Variants in VAV2 observed in about 807,000 individuals in gnomAD.
VAV2 encodes the protein guanine nucleotide exchange factor VAV2.
Under a neutral mutation model 132.5 loss-of-function variants are expected in VAV2, and 67 were observed. The ratio of observed to expected loss-of-function variants is 0.51; its 90% confidence interval spans 0.42 to 0.62. The LOEUF is 0.62. Among genes scored for constraint, VAV2 ranks in the 20% least tolerant of loss-of-function variants. The probability of loss-of-function intolerance (pLI) is 0.00; values close to 1 mark genes in which losing one functional copy is unlikely to be tolerated. For synonymous variants in VAV2, 492 were observed against 443.5 expected (o/e 1.11, Z -1.37); for missense variants, 938 against 1,153.6 (o/e 0.81, Z 2.71).
At chr9:133,774,049 G>A (rs1170013087) in intron 25 of VAV2, among the ~76,000 whole-genome samples, 5 of 152,154 alleles carry the variant, frequency 3.3e-5, no homozygotes, top group Admixed American at 6.5e-5. Context: ...TTATGTGGCC[G>A]ATGACTGTAT....
In VAV2 at chr9:133,775,964, C is replaced by T. The variant is rs1163060154; in HGVS notation, c.2018+64G>A. On this transcript the variant is annotated intron_variant, in intron 24 of 29. Coordinates refer to ENST00000371850, the MANE Select transcript of VAV2 (RefSeq NM_001134398.2). Reference sequence around the variant, plus strand: ...GCTCACAGGCACCACCCAGACCCGGCGGGCATGCCCCCATAACAAAGAGGC... The same window carrying T: ...GCTCACAGGCACCACCCAGACCCGGTGGGCATGCCCCCATAACAAAGAGGC... 9.1e-6 allele frequency: 14 copies of T among 1,539,494 alleles called. 1 individual carries two copies. The highest frequency in any genetic ancestry group is 3.7e-5 in the South Asian group (3 of 81,964).
chr9:133,873,927 C>A (rs941144299), intron 2 of VAV2, among the ~76,000 whole-genome samples: 1 of 152,230 alleles, frequency 6.6e-6, no homozygotes, highest in South Asian at 2.1e-4. Context: ...CCAGACACGG[C>A]GTCCTCCAGG....
At position 133,912,518 on chromosome 9, in the gene VAV2, A is replaced by G. The variant is rs1047874164; in HGVS notation, c.321+26585T>C. 6.6e-6 allele frequency among the ~76,000 whole-genome samples: 1 copy of G among 152,142 alleles called. No individual in the cohort carries two copies. The highest frequency in any genetic ancestry group is 2.4e-5 in the African/African-American group (1 of 41,434). On this transcript the variant is annotated intron_variant, in intron 2 of 29. Coordinates refer to ENST00000371850, the MANE Select transcript of VAV2 (RefSeq NM_001134398.2). This position sits in a 1 kb window ranked among gnomAD's most constrained non-coding sequence, Gnocchi z 4.3. ...TATGTCACTGGTGCTGGGTCCGAGC[A>G]TGGGAGCTGCAGCCAAATTCTGGGG...
intron 3 of VAV2, among the ~76,000 whole-genome samples, chr9:133,843,202 C>A (rs1277551781): frequency 6.6e-6 from 1 of 152,084 alleles, no homozygotes; most frequent in Non-Finnish European, 1.5e-5. Context: ...ACACCCAGCA[C>A]GAAGGCAGCA....
At position 133,768,531 on chromosome 9, in the gene VAV2, C is replaced by T; in HGVS notation, c.2500G>A (p.Glu834Lys). ...RYNFAARDMR[E>K]LSLREGDVVR... ...ACGTCACCCTCCCGCAGCGAAAGCT[C>T]CCTCATATCTCGGGCGGCAAAGTTA... The change falls in exon 29 of 30, where the codon GAG (glutamate) becomes AAG (lysine). Residue 834 changes from glutamate to lysine, a missense_variant. Glu to Lys is a moderately conservative substitution (Grantham distance 56). Coordinates refer to ENST00000371850, the MANE Select transcript of VAV2 (RefSeq NM_001134398.2). This position sits in a 1 kb window ranked among gnomAD's most constrained non-coding sequence, Gnocchi z 5.3. 6.2e-7 allele frequency: 1 copy of T among 1,614,046 alleles called. No homozygotes were observed. Among genetic ancestry groups the T allele is most frequent in the Non-Finnish European group, 8.5e-7 (1 of 1,180,006 alleles).
intron 12 of VAV2, among the ~76,000 whole-genome samples, chr9:133,792,524 GTT>G (rs1834530752): frequency 9.2e-6 from 1 of 108,904 alleles, no homozygotes; most frequent in Non-Finnish European, 2.0e-5. Context: ...TTGGGTGTGT[GTT>G]ATTGTGTGTG....
At position 133,769,558 on chromosome 9, in the gene VAV2, C is replaced by A; in HGVS notation, c.2348-55G>T. On this transcript the variant is annotated intron_variant, in intron 27 of 29. Coordinates refer to ENST00000371850, the MANE Select transcript of VAV2 (RefSeq NM_001134398.2). The surrounding 1 kb of genome is among the most constrained non-coding windows in gnomAD (Gnocchi z 8.1). ...GGGCAGCAGGGCATCCACGCACAGT[C>A]ACGGTGGGCACAGCTACAGGCCGGG... 2 of 1,543,100 alleles carry A rather than the reference C, an allele frequency of 1.3e-6. No individual in the cohort carries two copies. The highest frequency in any genetic ancestry group is 1.2e-5 in the South Asian group (1 of 84,124).
At chr9:133,876,696 G>C (rs1427630048) in intron 2 of VAV2, among the ~76,000 whole-genome samples, 2 of 152,196 alleles carry the variant, frequency 1.3e-5, no homozygotes, top group Non-Finnish European at 2.9e-5. Flanking sequence ...GCCCCAAGGA[G>C]TCTTCTAACC....
chr9:133,919,811 C>T lies in VAV2; in HGVS notation c.321+19292G>A, dbSNP rs1840229308. ...CATGGAAGATGGAAGGTCCCCGCTG[C>T]CCCGACTGTCCCTGCCGCCCCGGCC... is the stretch of plus-strand genomic sequence containing the variant. On this transcript the variant is annotated intron_variant, in intron 2 of 29. Coordinates refer to ENST00000371850, the MANE Select transcript of VAV2 (RefSeq NM_001134398.2). This position sits in a 1 kb window ranked among gnomAD's most constrained non-coding sequence, Gnocchi z 5.8. Among the ~76,000 whole-genome samples the T allele has an allele frequency of 6.6e-6, 1 of 152,054 alleles. No homozygotes were observed. Among genetic ancestry groups the T allele is most frequent in the Non-Finnish European group, 1.5e-5 (1 of 68,012 alleles).
At chr9:133,976,027 C>G (rs1261571605) in intron 1 of VAV2, among the ~76,000 whole-genome samples, 1 of 131,170 alleles carries the variant, frequency 7.6e-6, no homozygotes, top group Non-Finnish European at 1.6e-5. Context: ...AAAACCCCAT[C>G]TCTACTAAAA....
chr9:133,796,367 G>T, intron 11 of VAV2, 62 bp downstream of exon 11: 1 of 1,463,830 alleles, frequency 6.8e-7, no homozygotes, highest in South Asian at 1.2e-5. Context: ...CCTGGAAGCT[G>T]CCAGCCCTCA....
rs150910526 is a variant in VAV2 at position 133,783,077 on chromosome 9, T to C, written c.1723+426A>G. 5.9e-3 allele frequency among the ~76,000 whole-genome samples: 896 copies of C among 152,254 alleles called. 2 individuals carry two copies. The highest frequency in any genetic ancestry group is 0.01 in the Middle Eastern group (3 of 294). On this transcript the variant is annotated intron_variant, in intron 19 of 29. Coordinates refer to ENST00000371850, the MANE Select transcript of VAV2 (RefSeq NM_001134398.2). ...TGCATGTGTGTGTGTGTCTGAACCATTTACTAACATGGCTATAGCTACTGA... is the reference window on the plus strand; with the variant it reads ...TGCATGTGTGTGTGTGTCTGAACCACTTACTAACATGGCTATAGCTACTGA...
intron 1 of VAV2, among the ~76,000 whole-genome samples, chr9:133,982,633 CTTTGCAGGGCCCACCACCTGGT>C (rs1842734159): frequency 6.6e-6 from 1 of 152,018 alleles, no homozygotes; most frequent in South Asian, 2.1e-4. Flanking sequence ...GGCCGCTGTG[CTTTGCAGGGCCCACCACCTGGT>C]TTTGCAGGGC....
chr9:133,778,516 C>T (rs77813245), intron 22 of VAV2, among the ~76,000 whole-genome samples: 3,186 of 152,290 alleles, frequency 0.021, 106 homozygotes, highest in African/African-American at 0.073. Context: ...GACGCTGCAT[C>T]GCCTACCATG....
At chr9:133,940,159 C>A (rs556707241) in intron 1 of VAV2, among the ~76,000 whole-genome samples, 1 of 152,288 alleles carries the variant, frequency 6.6e-6, no homozygotes, top group East Asian at 1.9e-4. Context: ...TATGCCAGGC[C>A]TGGTTTTCTA....
intron 2 of VAV2, among the ~76,000 whole-genome samples, chr9:133,893,585 A>G (rs575690855): frequency 1.3e-5 from 2 of 152,324 alleles, no homozygotes; most frequent in South Asian, 4.1e-4. Flanking sequence ...GCCAGCTCCA[A>G]AGGTCACCTT....
intron 2 of VAV2, among the ~76,000 whole-genome samples, chr9:133,903,738 A>G (rs1250100128): frequency 6.6e-6 from 1 of 152,126 alleles, no homozygotes; most frequent in Non-Finnish European, 1.5e-5. Flanking sequence ...AGCGTCAGAA[A>G]AAATTCTCAA....
chr9:133,768,326 G>A lies in VAV2; in HGVS notation c.2589+116C>T. On this transcript the variant is annotated intron_variant, in intron 29 of 29. Transcript: ENST00000371850. This position sits in a 1 kb window ranked among gnomAD's most constrained non-coding sequence, Gnocchi z 5.3. ...TGTGAGGATGAGGGAGATTGCAGAG[G>A]GTGTCTGGAACAGGGCCTGGGGTGT... The A allele has an allele frequency of 1.4e-6, 2 of 1,389,388 alleles. No individual in the cohort carries two copies. The highest frequency in any genetic ancestry group is 1.9e-6 in the Non-Finnish European group (2 of 1,033,938). The allele number at this position is 1,389,388 out of a possible 1,614,324, so 86.1% of individuals were successfully genotyped here.
rs1470815454 is a variant in VAV2 at position 133,935,664 on chromosome 9, G to A, written c.321+3439C>T. 3.3e-5 allele frequency among the ~76,000 whole-genome samples: 5 copies of A among 152,232 alleles called. No individual in the cohort carries two copies. The highest frequency in any genetic ancestry group is 4.4e-5 in the Non-Finnish European group (3 of 68,036). On this transcript the variant is annotated intron_variant, in intron 2 of 29. Coordinates refer to ENST00000371850, the MANE Select transcript of VAV2 (RefSeq NM_001134398.2). The surrounding 1 kb of genome is among the most constrained non-coding windows in gnomAD (Gnocchi z 5.2). ...GAGCAGAACCGTCAGGCTCCAGACC[G>A]TGGTGAACGTCCCAGCTCCCCAGCC... is the stretch of plus-strand genomic sequence containing the variant.
Sources: allele counts gnomAD v4.1 joint callset (sites outside exome capture counted in the v4.1 genomes callset), GRCh38; gene constraint gnomAD v4.1.1; non-coding constraint Gnocchi (gnomAD v3.1); transcripts MANE v1.5; gene names NCBI Gene and HGNC (gene_info 2026-07-23, HGNC 2026-07-21).